Variants in BHLHE23 observed in about 807,000 individuals in gnomAD.
The protein encoded by BHLHE23 is basic helix-loop-helix family member e23.
For synonymous variants in BHLHE23, 204 were observed against 184.4 expected, an observed-to-expected ratio of 1.11 and a Z score of -0.86; for missense variants, 401 against 380.0, an observed-to-expected ratio of 1.06 and a Z score of -0.46.
Position 63,006,863 on chromosome 20 carries a change from T to C in BHLHE23, c.-89A>G. The C allele has an allele frequency of 8.2e-7, 1 of 1,222,794 alleles. No homozygotes were observed. The highest frequency in any genetic ancestry group is 1.0e-6 in the Non-Finnish European group (1 of 981,770). The allele number at this position is 1,222,794 out of a possible 1,614,324, so 75.7% of individuals were successfully genotyped here. A position where few individuals can be genotyped will look rare whatever the true frequency, so the allele number is the denominator to read the frequency against. On this transcript the variant is annotated 5_prime_UTR_variant, in exon 1 of 1. Coordinates refer to ENST00000612929, the MANE Select transcript of BHLHE23 (RefSeq NM_080606.4). The stretch of plus-strand genomic sequence containing the variant: ...CCCGGCTCTGCGCGTCGGTCTGGCT[T>C]GCCTGCGGGTCCCAGAGCCTCGGCG...
chr20:63,006,121 G>A lies in BHLHE23; in HGVS notation c.654C>T (p.Pro218=), dbSNP rs772728792. The change falls in exon 1 of 1, where the codon CCC becomes CCT. Residue 218 remains proline (P), a synonymous_variant. Coordinates refer to ENST00000612929, the MANE Select transcript of BHLHE23 (RefSeq NM_080606.4). ...CPFSAGAALG[P]CPDKCAAFSG... ...AGAAGGCGGCGCACTTGTCAGGGCA[G>A]GGCCCCAGGGCGGCGCCTGCGGAGA... 1.3e-6 allele frequency: 2 copies of A among 1,547,616 alleles called. No homozygotes were observed. Among genetic ancestry groups the A allele is most frequent in the African/African-American group, 1.4e-5 (1 of 72,972 alleles).
Position 63,006,460 on chromosome 20 carries a change from C to A in BHLHE23, c.315G>T (p.Ala105=). The A allele has an allele frequency of 7.0e-7, 1 of 1,429,928 alleles. No individual in the cohort carries two copies. Among genetic ancestry groups the A allele is most frequent in the Non-Finnish European group, 9.1e-7 (1 of 1,101,704 alleles). 88.6% of individuals were successfully genotyped at this position (1,429,928 alleles called of 1,614,324 possible). A position where few individuals can be genotyped will look rare whatever the true frequency, so the allele number is the denominator to read the frequency against. ...RRRRRGPGSA[A]DGRRRPREQR... ...GCTCTCGCGGCCGCCGCCGCCCGTC[C>A]GCCGCGCTCCCTGGCCCGCGCCGCC... The change falls in exon 1 of 1, where the codon GCG becomes GCT. Residue 105 remains alanine (A), a synonymous_variant. Coordinates refer to ENST00000612929, the MANE Select transcript of BHLHE23 (RefSeq NM_080606.4).
Position 63,006,957 on chromosome 20 carries a change from CG to C in BHLHE23, c.-184del, listed in dbSNP as rs2065794706. 1 of 1,005,654 alleles carries C rather than the reference CG, an allele frequency of 9.9e-7. No homozygotes were observed. The highest frequency in any genetic ancestry group is 1.3e-6 in the Non-Finnish European group (1 of 785,908). 62.3% of individuals were successfully genotyped at this position (1,005,654 alleles called of 1,614,324 possible). A position where few individuals can be genotyped will look rare whatever the true frequency, so the allele number is the denominator to read the frequency against. ...CCTCCCAGCCGCGACGCGCAGGGGG[CG>C]GGCTCTACCTCCCCCTCGCCCCCGC... On this transcript the variant is annotated 5_prime_UTR_variant, in exon 1 of 1. Transcript: ENST00000612929.
Position 63,006,504 on chromosome 20 carries a change from C to A in BHLHE23, c.271G>T (p.Ala91Ser), listed in dbSNP as rs2065792247. 1 of 1,327,032 alleles carries A rather than the reference C, an allele frequency of 7.5e-7. No individual in the cohort carries two copies. Among genetic ancestry groups the A allele is most frequent in the Non-Finnish European group, 9.5e-7 (1 of 1,049,420 alleles). 82.2% of individuals were successfully genotyped at this position (1,327,032 alleles called of 1,614,324 possible). Reference protein sequence around the residue: ...SGEQSGDEDDAFEQRRRRRGP... With the variant: ...SGEQSGDEDDSFEQRRRRRGP... ...CGCCGCCGCCGCCGCTGCTCGAAGG[C>A]GTCGTCCTCGTCCCCGCTCTGTTCG... The change falls in exon 1 of 1, where the codon GCC becomes TCC. Residue 91 changes from alanine (A) to serine (S), a missense_variant. Coordinates refer to ENST00000612929, the MANE Select transcript of BHLHE23 (RefSeq NM_080606.4).
In BHLHE23 at chr20:63,005,952, G is replaced by A; in HGVS notation, c.*97C>T. The A allele has an allele frequency of 7.1e-7, 1 of 1,414,760 alleles. No homozygotes were observed. Among genetic ancestry groups the A allele is most frequent in the Non-Finnish European group, 9.2e-7 (1 of 1,090,740 alleles). 87.6% of individuals were successfully genotyped at this position (1,414,760 alleles called of 1,614,324 possible). On this transcript the variant is annotated 3_prime_UTR_variant, in exon 1 of 1. Transcript: ENST00000612929. ...AAGCGAAGTCGGGCCCCCTCCTCCTGGTCTGCAGGGTCCCTCCAGGCCTTT... is the reference window on the plus strand; with the variant it reads ...AAGCGAAGTCGGGCCCCCTCCTCCTAGTCTGCAGGGTCCCTCCAGGCCTTT...
chr20:63,006,892 G>C lies in BHLHE23; in HGVS notation c.-118C>G. The C allele has an allele frequency of 8.2e-7, 1 of 1,220,514 alleles. No homozygotes were observed. The highest frequency in any genetic ancestry group is 1.0e-6 in the Non-Finnish European group (1 of 980,004). 75.6% of individuals were successfully genotyped at this position (1,220,514 alleles called of 1,614,324 possible). On this transcript the variant is annotated 5_prime_UTR_variant, in exon 1 of 1. Transcript: ENST00000612929. ...TGCGGGTCCCAGAGCCTCGGCGCCC[G>C]CTGCCTCCTCCGCCTCTTCCTTCTC...
In BHLHE23 at chr20:63,006,195, CG is replaced by C; in HGVS notation, c.579del (p.Val194Ter). The C allele has an allele frequency of 1.3e-6, 2 of 1,587,616 alleles. No homozygotes were observed. Among genetic ancestry groups the C allele is most frequent in the South Asian group, 2.3e-5 (2 of 88,268 alleles). On this transcript the variant is annotated frameshift_variant, in exon 1 of 1. Transcript: ENST00000612929. LOFTEE classifies it low-confidence loss of function (END_TRUNC). ...AAGGGCGTCAAGGGCGCGGCGTTTA[CG>C]GGCGCGGCCAGGCCCTGGCCCTGGT... ...FLNQGQGLAA[P>X]VNAAPLTPFG...
rs2065791441 is a variant in BHLHE23, at chr20:63,006,387, G to C, written c.388C>G (p.His130Asp). 1 of 1,597,558 alleles carries C rather than the reference G, an allele frequency of 6.3e-7. No individual in the cohort carries two copies. The highest frequency in any genetic ancestry group is 1.4e-5 in the African/African-American group (1 of 74,010). ...CCGTCCAGCGCGTCGTTTAGGTCGT[G>C]CATGCGCCGCCGCTCGCGCGCGTTG... ...SINARERRRM[H>D]DLNDALDGLR... Residue 130 changes from histidine (H) to aspartate (D), a missense_variant, in exon 1 of 1, where the codon CAC (histidine) becomes GAC (aspartate). His to Asp is a moderately conservative substitution (Grantham distance 81). Coordinates refer to ENST00000612929, the MANE Select transcript of BHLHE23 (RefSeq NM_080606.4).
chr20:63,006,669 C>G lies in BHLHE23; in HGVS notation c.106G>C (p.Ala36Pro). ...DAYLALSHGY[A>P]AAAAGLAYGA... ...TAGGCGAGACCCGCAGCCGCCGCCG[C>G]GTAGCCGTGGCTTAGTGCCAGGTAC... Residue 36 changes from alanine to proline, a missense_variant, in exon 1 of 1, where the codon GCG becomes CCG. By Grantham distance (27) the Ala-to-Pro change is conservative. Coordinates refer to ENST00000612929, the MANE Select transcript of BHLHE23 (RefSeq NM_080606.4). 7.3e-7 allele frequency: 1 copy of G among 1,372,026 alleles called. No homozygotes were observed. Among genetic ancestry groups the G allele is most frequent in the Non-Finnish European group, 9.4e-7 (1 of 1,061,996 alleles). The allele number at this position is 1,372,026 out of a possible 1,614,324, so 85.0% of individuals were successfully genotyped here. A position where few individuals can be genotyped will look rare whatever the true frequency, so the allele number is the denominator to read the frequency against.
rs952516935 is a variant in BHLHE23, at chr20:63,006,825, C to T, written c.-51G>A. 92 of 1,233,148 alleles carry T rather than the reference C, an allele frequency of 7.5e-5. No homozygotes were observed. The highest frequency in any genetic ancestry group is 4.3e-4 in the Admixed American group (10 of 23,368). The allele number at this position is 1,233,148 out of a possible 1,614,324, so 76.4% of individuals were successfully genotyped here. A position where few individuals can be genotyped will look rare whatever the true frequency, so the allele number is the denominator to read the frequency against. ...CCCGAGCCCGCCGCTGCCGCTGCCG[C>T]TGCGATGAGGCTCCCGGCTCTGCGC... On this transcript the variant is annotated 5_prime_UTR_variant, in exon 1 of 1. Transcript: ENST00000612929.
chr20:63,006,950 C>T lies in BHLHE23; in HGVS notation c.-176G>A, dbSNP rs2065794623. Reference sequence around the variant, plus strand: ...TCCTCTCCCTCCCAGCCGCGACGCGCAGGGGGCGGGCTCTACCTCCCCCTC... The same window carrying T: ...TCCTCTCCCTCCCAGCCGCGACGCGTAGGGGGCGGGCTCTACCTCCCCCTC... On this transcript the variant is annotated 5_prime_UTR_variant, in exon 1 of 1. Coordinates refer to ENST00000612929, the MANE Select transcript of BHLHE23 (RefSeq NM_080606.4). The T allele has an allele frequency of 1.8e-6, 2 of 1,119,692 alleles. No homozygotes were observed. The highest frequency in any genetic ancestry group is 3.3e-4 in the Middle Eastern group (1 of 2,986). The allele number at this position is 1,119,692 out of a possible 1,614,324, so 69.4% of individuals were successfully genotyped here. A position where few individuals can be genotyped will look rare whatever the true frequency, so the allele number is the denominator to read the frequency against.
rs1179623002 is a variant in BHLHE23, at chr20:63,006,745, CG to C, written c.29del (p.Pro10ArgfsTer22). The C allele has an allele frequency of 2.3e-6, 3 of 1,287,630 alleles. No individual in the cohort carries two copies. Among genetic ancestry groups the C allele is most frequent in the Non-Finnish European group, 2.0e-6 (2 of 1,019,698 alleles). The allele number at this position is 1,287,630 out of a possible 1,614,324, so 79.8% of individuals were successfully genotyped here. A position where few individuals can be genotyped will look rare whatever the true frequency, so the allele number is the denominator to read the frequency against. ...CGGCCATGGCCGCGCCGCCTGGGCT[CG>C]GGGGCTCGCCGGGTGGGCGGATGCT... MSIRPPGEPPSPGGAAMAEL... is the reference protein window; with the variant it reads MSIRPPGEPXSPGGAAMAEL... On this transcript the variant is annotated frameshift_variant, in exon 1 of 1. Coordinates refer to ENST00000612929, the MANE Select transcript of BHLHE23 (RefSeq NM_080606.4). LOFTEE classifies it low-confidence loss of function (END_TRUNC).
At position 63,006,017 on chromosome 20, in the gene BHLHE23, G is replaced by A. The variant is rs912270790; in HGVS notation, c.*32C>T. ...GAGACAGTCACAGGGGCGATCGGAG[G>A]ACGCGTGCGGGAGGGCCGGGGGCCC... is the stretch of plus-strand genomic sequence containing the variant. On this transcript the variant is annotated 3_prime_UTR_variant, in exon 1 of 1. Transcript: ENST00000612929. The A allele has an allele frequency of 1.3e-5, 19 of 1,486,186 alleles. No homozygotes were observed. Among genetic ancestry groups the A allele is most frequent in the Non-Finnish European group, 1.3e-5 (15 of 1,123,420 alleles). The allele number at this position is 1,486,186 out of a possible 1,614,324, so 92.1% of individuals were successfully genotyped here. A position where few individuals can be genotyped will look rare whatever the true frequency, so the allele number is the denominator to read the frequency against.
In BHLHE23 at chr20:63,006,339, C is replaced by T. The variant is rs1369830092; in HGVS notation, c.436G>A (p.Ala146Thr). 2 of 1,610,752 alleles carry T rather than the reference C, an allele frequency of 1.2e-6. No homozygotes were observed. Among genetic ancestry groups the T allele is most frequent in the Non-Finnish European group, 1.7e-6 (2 of 1,179,638 alleles). Residue 146 changes from alanine (A) to threonine (T), a missense_variant, in exon 1 of 1, where the codon GCG becomes ACG. Ala to Thr is a moderately conservative substitution (Grantham distance 58). Transcript: ENST00000612929. ...LDGLRAVIPY[A>T]HSPSVRKLSK... ...AGCTTGCGCACCGACGGGCTGTGCG[C>T]GTAGGGGATGACGGCTCGCAGCCCG...
Position 63,006,828 on chromosome 20 carries a change from C to A in BHLHE23, c.-54G>T. 8.1e-7 allele frequency: 1 copy of A among 1,232,716 alleles called. No homozygotes were observed. The highest frequency in any genetic ancestry group is 1.0e-6 in the Non-Finnish European group (1 of 987,518). The allele number at this position is 1,232,716 out of a possible 1,614,324, so 76.4% of individuals were successfully genotyped here. ...GAGCCCGCCGCTGCCGCTGCCGCTG[C>A]GATGAGGCTCCCGGCTCTGCGCGTC... is the stretch of plus-strand genomic sequence containing the variant. On this transcript the variant is annotated 5_prime_UTR_variant, in exon 1 of 1. Coordinates refer to ENST00000612929, the MANE Select transcript of BHLHE23 (RefSeq NM_080606.4).
rs770750990 is a variant in BHLHE23, at chr20:63,006,259, C to T, written c.516G>A (p.Gln172=). 3.7e-6 allele frequency: 6 copies of T among 1,611,162 alleles called. No individual in the cohort carries two copies. Among genetic ancestry groups the T allele is most frequent in the Non-Finnish European group, 5.1e-6 (6 of 1,179,680 alleles). ...LAKNYILMQA[Q]ALDEMRRLVA... is the part of the protein sequence containing the mutation. ...CCAGGCGCCGCATCTCGTCCAGGGC[C>T]TGCGCCTGCATGAGGATATAGTTCT... The change falls in exon 1 of 1, where the codon CAG becomes CAA. Residue 172 remains glutamine, a synonymous_variant. Coordinates refer to ENST00000612929, the MANE Select transcript of BHLHE23 (RefSeq NM_080606.4).
Position 63,006,172 on chromosome 20 carries a change from G to A in BHLHE23, c.603C>T (p.Pro201=). 6.4e-7 allele frequency: 1 copy of A among 1,566,248 alleles called. No individual in the cohort carries two copies. Among genetic ancestry groups the A allele is most frequent in the Non-Finnish European group, 8.6e-7 (1 of 1,158,434 alleles). The change falls in exon 1 of 1, where the codon CCC becomes CCT. Residue 201 remains proline (P), a synonymous_variant. Coordinates refer to ENST00000612929, the MANE Select transcript of BHLHE23 (RefSeq NM_080606.4). ...AGGGGCACACAGTGGCCTGGCCGAA[G>A]GGCGTCAAGGGCGCGGCGTTTACGG... ...AAPVNAAPLT[P]FGQATVCPFS...
chr20:63,006,703 C>T lies in BHLHE23; in HGVS notation c.72G>A (p.Ser24=). 1 of 1,364,234 alleles carries T rather than the reference C, an allele frequency of 7.3e-7. No homozygotes were observed. The highest frequency in any genetic ancestry group is 9.4e-7 in the Non-Finnish European group (1 of 1,059,498). The allele number at this position is 1,364,234 out of a possible 1,614,324, so 84.5% of individuals were successfully genotyped here. A position where few individuals can be genotyped will look rare whatever the true frequency, so the allele number is the denominator to read the frequency against. ...GGCTTAGTGCCAGGTACGCGTCCCC[C>T]GACAGCGACTTGAGCTCGGCCATGG... ...GAAMAELKSL[S]GDAYLALSHG... is the part of the protein sequence containing the mutation. The change falls in exon 1 of 1, where the codon TCG becomes TCA. Residue 24 remains serine (S), a synonymous_variant. Coordinates refer to ENST00000612929, the MANE Select transcript of BHLHE23 (RefSeq NM_080606.4).
In BHLHE23 at chr20:63,006,394, C is replaced by T; in HGVS notation, c.381G>A (p.Arg127=). ...LRLSINARER[R]RMHDLNDALD... ...GCGCGTCGTTTAGGTCGTGCATGCGCCGCCGCTCGCGCGCGTTGATGCTGA... is the reference window on the plus strand; with the variant it reads ...GCGCGTCGTTTAGGTCGTGCATGCGTCGCCGCTCGCGCGCGTTGATGCTGA... Residue 127 remains arginine (R), a synonymous_variant, in exon 1 of 1, where the codon CGG becomes CGA. Transcript: ENST00000612929. 1 of 1,592,208 alleles carries T rather than the reference C, an allele frequency of 6.3e-7. No individual in the cohort carries two copies. Among genetic ancestry groups the T allele is most frequent in the Non-Finnish European group, 8.5e-7 (1 of 1,175,200 alleles).
Sources: allele counts gnomAD v4.1 joint callset, GRCh38; gene constraint gnomAD v4.1.1; transcripts MANE v1.5; gene names NCBI Gene and HGNC (gene_info 2026-07-23, HGNC 2026-07-21).